Variants in SYNE1 observed in about 807,000 individuals in gnomAD.
The protein encoded by SYNE1 is nesprin-1.
Under a neutral mutation model 1,111.0 loss-of-function variants are expected in SYNE1, and 616 were observed. The observed-to-expected ratio is 0.55, with a 90% CI of 0.52 to 0.59. SYNE1 has a LOEUF of 0.59. Ranked by LOEUF, SYNE1 falls within the 20% of genes least tolerant of loss-of-function variation. SYNE1 has a pLI of 0.00. For missense variants in SYNE1, 10,006 were observed against 10,417.0 expected (o/e 0.96, Z 1.72); for synonymous variants, 3,855 against 3,825.8 (o/e 1.01, Z -0.28).
chr6:152,190,993 A>G (rs2635456), intron 127 of SYNE1, among the ~76,000 whole-genome samples: 59,413 of 151,896 alleles, frequency 0.39, 11,720 homozygotes, highest in African/African-American at 0.47. Flanking sequence ...GAAAGGTTGA[A>G]TTTTATCAAA....
intron 3 of SYNE1, among the ~76,000 whole-genome samples, chr6:152,588,958 C>CT (rs542555414): frequency 0.033 from 4,961 of 149,568 alleles, 281 homozygotes; most frequent in African/African-American, 0.11. Flanking sequence ...TTCTTTTTCT[C>CT]TTTTTTTTTT....
intron 3 of SYNE1, among the ~76,000 whole-genome samples, chr6:152,610,590 A>T (rs1290025130): frequency 6.6e-6 from 1 of 152,160 alleles, no homozygotes; most frequent in African/African-American, 2.4e-5. Context: ...TATCCAGGAG[A>T]ACTTACCCAA....
In SYNE1 at chr6:152,409,110, C is replaced by A; in HGVS notation, c.6498G>T (p.Leu2166Phe). The A allele has an allele frequency of 6.2e-7, 1 of 1,614,134 alleles. No homozygotes were observed. The highest frequency in any genetic ancestry group is 1.1e-5 in the South Asian group (1 of 91,082). ...CGGTGCTCTCCATGTCTGTTTTCAC[C>A]AAGCTGAAATCACTACTGTGAATTT... ...LKKIHSSDFS[L>F]VKTDMESTVD... The change falls in exon 44 of 146, where the codon TTG becomes TTT. Residue 2166 changes from leucine (L) to phenylalanine (F), a missense_variant. Transcript: ENST00000367255.
At chr6:152,314,152 G>A (rs1285978582) in intron 87 of SYNE1, among the ~76,000 whole-genome samples, 4 of 152,172 alleles carry the variant, frequency 2.6e-5, no homozygotes, top group Non-Finnish European at 4.4e-5. Context: ...TCCAAAGGCT[G>A]CTAAATTTGC....
chr6:152,220,814 G>A (rs754833235), intron 119 of SYNE1, 28 bp downstream of exon 119: 2 of 1,605,426 alleles, frequency 1.2e-6, no homozygotes, highest in South Asian at 2.2e-5. Context: ...AGGGCATGTG[G>A]GGAAAACAAG....
intron 141 of SYNE1, among the ~76,000 whole-genome samples, 178 bp downstream of exon 141, chr6:152,136,440 A>C (rs2057093539): frequency 6.6e-6 from 1 of 152,250 alleles, no homozygotes; most frequent in African/African-American, 2.4e-5. Context: ...GAACATGATC[A>C]TGAACATGTA....
At chr6:152,415,881 T>A (rs1248877360) in intron 41 of SYNE1, among the ~76,000 whole-genome samples, 3 of 145,632 alleles carry the variant, frequency 2.1e-5, no homozygotes, top group Non-Finnish European at 4.5e-5. Flanking sequence ...CAGGTCTCAA[T>A]CAATTTAGAA....
Position 152,398,708 on chromosome 6 carries a change from A to G in SYNE1, c.7261T>C (p.Trp2421Arg), listed in dbSNP as rs765978097. 4 of 1,613,830 alleles carry G rather than the reference A, an allele frequency of 2.5e-6. No homozygotes were observed. The highest frequency in any genetic ancestry group is 3.4e-6 in the Non-Finnish European group (4 of 1,179,868). ...FSESMQEFQE[W>R]FLGAKAAAKE... ...GCTGCTGCCTTTGCTCCCAAAAACC[A>G]TTCTTGGAATTCCTGCATAGACTCT... Residue 2421 changes from tryptophan (W) to arginine (R), a missense_variant, in exon 49 of 146, where the codon TGG becomes CGG. Transcript: ENST00000367255.
chr6:152,567,127 T>A (rs2099416473), intron 3 of SYNE1, among the ~76,000 whole-genome samples: 2 of 152,116 alleles, frequency 1.3e-5, no homozygotes, highest in African/African-American at 4.8e-5. Context: ...TCTATGCATT[T>A]GCCTTTTTTT....
intron 63 of SYNE1, among the ~76,000 whole-genome samples, chr6:152,363,216 C>A (rs539700740): frequency 7.1e-6 from 1 of 141,374 alleles, no homozygotes; most frequent in Non-Finnish European, 1.5e-5. Context: ...TTAATCAGGC[C>A]GGGCGCGGTG....
chr6:152,456,603 C>G (rs915963853), intron 22 of SYNE1: 1 of 331,042 alleles, frequency 3.0e-6, no homozygotes, highest in African/African-American at 2.2e-5. Flanking sequence ...GGCAGCAGAC[C>G]GATGCACTTG....
At chr6:152,131,865 A>T (rs2055800201) in intron 144 of SYNE1, among the ~76,000 whole-genome samples, 1 of 152,202 alleles carries the variant, frequency 6.6e-6, no homozygotes. Flanking sequence ...TTCTTATTTG[A>T]GCAAGAAAAA....
At chr6:152,363,733 A>G in intron 63 of SYNE1, 1 of 454,690 alleles carries the variant, frequency 2.2e-6, no homozygotes, top group African/African-American at 2.0e-5. Flanking sequence ...CCCCTGATGT[A>G]CTCTCAGTTT....
chr6:152,366,336 T>C (rs1276710472), intron 62 of SYNE1, among the ~76,000 whole-genome samples: 1 of 151,416 alleles, frequency 6.6e-6, no homozygotes, highest in Non-Finnish European at 1.5e-5. Context: ...CCGTCTAAAA[T>C]AAAACAAAAC....
chr6:152,196,897 G>A (rs1563406558), intron 127 of SYNE1, among the ~76,000 whole-genome samples: 1 of 152,096 alleles, frequency 6.6e-6, no homozygotes. Context: ...AATTTATGTA[G>A]GACCCCAGAG....
At position 152,330,994 on chromosome 6, in the gene SYNE1, C is replaced by T. The variant is rs1381096332; in HGVS notation, c.13691G>A (p.Arg4564Lys). The T allele has an allele frequency of 6.2e-7, 1 of 1,614,122 alleles. No individual in the cohort carries two copies. The change falls in exon 78 of 146, where the codon AGG becomes AAG. Residue 4564 changes from arginine to lysine, a missense_variant. Arg to Lys is a conservative substitution (Grantham distance 26, BLOSUM62 2). Around this residue, in one of 7 missense-constraint regions of SYNE1, gnomAD observed 4,955 missense variants for 5,017.2 expected, o/e 0.99. Transcript: ENST00000367255. ...LQELEKNLVS[R>K]KHFKEDFDKA... is the part of the protein sequence containing the mutation. ...ATCAAAATCTTCCTTAAAATGCTTCCTAGAAACCAAATTCTTCTCTAGTTC... is the reference window on the plus strand; with the variant it reads ...ATCAAAATCTTCCTTAAAATGCTTCTTAGAAACCAAATTCTTCTCTAGTTC...
intron 62 of SYNE1, among the ~76,000 whole-genome samples, chr6:152,366,331 T>A (rs1204610971): frequency 6.6e-6 from 1 of 151,772 alleles, no homozygotes; most frequent in Non-Finnish European, 1.5e-5. Flanking sequence ...AAACTCCGTC[T>A]AAAATAAAAC....
chr6:152,241,527 T>TGTGTGTGTGTGA (rs59737931), intron 107 of SYNE1, among the ~76,000 whole-genome samples: 20,875 of 144,872 alleles, frequency 0.14, 1,901 homozygotes, highest in East Asian at 0.3. Flanking sequence ...TGTGTGTGTG[T>TGTGTGTGTGTGA]GTGAAATACG....
Position 152,231,674 on chromosome 6 carries a change from A to G in SYNE1, c.20863-107T>C, listed in dbSNP as rs546950462. 5.8e-6 allele frequency: 7 copies of G among 1,204,394 alleles called. No homozygotes were observed. The African/African-American group carries it at 1.1e-4, about 18-fold the overall frequency. 74.6% of individuals were successfully genotyped at this position (1,204,394 alleles called of 1,614,324 possible). A position where few individuals can be genotyped will look rare whatever the true frequency, so the allele number is the denominator to read the frequency against. On this transcript the variant is annotated intron_variant, in intron 113 of 145. Transcript: ENST00000367255. ...TAATATTAATATTATCACTTCCATA[A>G]CTCAGCTGAAATGGCACAATTTGTC...
Sources: gnomAD v4.1 joint callset for allele counts (sites outside exome capture counted in the v4.1 genomes callset) on GRCh38, gnomAD v4.1.1 for gene constraint, gnomAD v4.1.1 regional missense constraint, MANE v1.5 for transcripts, NCBI Gene and HGNC (gene_info 2026-07-23, HGNC 2026-07-21) for gene names.